Variants in PPARA observed in about 807,000 individuals in gnomAD.
The protein encoded by PPARA is peroxisome proliferator activated receptor alpha.
PPARA carries 22 observed loss-of-function variants against 42.2 expected under a neutral mutation model. The observed-to-expected ratio is 0.52, with a 90% CI of 0.37 to 0.74. PPARA has a LOEUF of 0.74. Ranked by LOEUF, PPARA falls within the 30% of genes least tolerant of loss-of-function variation. The probability of loss-of-function intolerance (pLI) is 0.00; values close to 1 mark genes in which losing one functional copy is unlikely to be tolerated. For missense variants in PPARA, 465 were observed against 608.2 expected (o/e 0.76, Z 2.48); for synonymous variants, 242 against 239.3 (o/e 1.01, Z -0.10).
chr22:46,217,698 G>C (rs1934610654), intron 5 of PPARA, among the ~76,000 whole-genome samples: 1 of 151,792 alleles, frequency 6.6e-6, no homozygotes, highest in Non-Finnish European at 1.5e-5. Flanking sequence ...GTCAGATGAG[G>C]GCATTTTGAA....
chr22:46,181,643 G>A (rs1038580049), intron 3 of PPARA, among the ~76,000 whole-genome samples: 2 of 152,046 alleles, frequency 1.3e-5, no homozygotes, highest in Non-Finnish European at 2.9e-5. Flanking sequence ...TTTTAATGTC[G>A]GGTGGCCAGC....
chr22:46,167,422 G>A lies in PPARA; in HGVS notation c.-126-9331G>A, dbSNP rs1392379330. ...ATCTTGCACTTTGAGAGGCCAAGGC[G>A]GGTGGATCACTTGGCCCCAGGAGTT... On this transcript the variant is annotated intron_variant, in intron 2 of 8. Coordinates refer to ENST00000407236, the MANE Select transcript of PPARA (RefSeq NM_005036.6). This position sits in a 1 kb window ranked among gnomAD's most constrained non-coding sequence, Gnocchi z 4.1. 2.0e-5 allele frequency among the ~76,000 whole-genome samples: 3 copies of A among 151,930 alleles called. No individual in the cohort carries two copies. The highest frequency in any genetic ancestry group is 1.3e-4 in the Admixed American group (2 of 15,246).
At position 46,198,327 on chromosome 22, in the gene PPARA, C is replaced by T; in HGVS notation, c.-42-15C>T. 6.8e-7 allele frequency: 1 copy of T among 1,463,226 alleles called. No individual in the cohort carries two copies. Among genetic ancestry groups the T allele is most frequent in the South Asian group, 1.1e-5 (1 of 87,868 alleles). 90.6% of individuals were successfully genotyped at this position (1,463,226 alleles called of 1,614,324 possible). ...TTATACGTCAGTCTTACCAATTGTT[C>T]CTCTTTCCTCCCAGTAGCTTGGAGC... On this transcript the variant is annotated splice_polypyrimidine_tract_variant and intron_variant, in intron 3 of 8. Coordinates refer to ENST00000407236, the MANE Select transcript of PPARA (RefSeq NM_005036.6).
At chr22:46,175,243 T>C (rs927777646) in intron 2 of PPARA, among the ~76,000 whole-genome samples, 2 of 152,110 alleles carry the variant, frequency 1.3e-5, no homozygotes, top group African/African-American at 4.8e-5. Context: ...TCTTGCAAAG[T>C]GAGAGGACGA....
In PPARA at chr22:46,177,080, A is replaced by G. The variant is rs148315954; in HGVS notation, c.-43+244A>G. Among the ~76,000 whole-genome samples, 1,208 of 152,166 alleles carry G rather than the reference A, an allele frequency of 7.9e-3. 11 individuals are homozygous for G. The highest frequency in any genetic ancestry group is 0.047 in the East Asian group (241 of 5,178). ...AAAAAAATTAGCCGGGCATGGTGGC[A>G]GGCGCCTGTAGTCCCAGCTACTCAG... On this transcript the variant is annotated intron_variant, in intron 3 of 8. Transcript: ENST00000407236.
intron 4 of PPARA, among the ~76,000 whole-genome samples, chr22:46,205,642 C>G (rs1933230053): frequency 7.6e-6 from 1 of 131,706 alleles, no homozygotes; most frequent in African/African-American, 2.9e-5. Flanking sequence ...TCTTAGCTCA[C>G]TGCAACCTCC....
chr22:46,158,934 G>A (rs1198624933), intron 2 of PPARA, among the ~76,000 whole-genome samples: 1 of 152,096 alleles, frequency 6.6e-6, no homozygotes, highest in Non-Finnish European at 1.5e-5. Context: ...CTGCTGCCCA[G>A]GCTGGAGTGC....
At chr22:46,198,874 T>C (rs1932679014) in intron 4 of PPARA, among the ~76,000 whole-genome samples, 1 of 152,114 alleles carries the variant, frequency 6.6e-6, no homozygotes, top group African/African-American at 2.4e-5. Context: ...TTAGCCAGGA[T>C]GGTCTCCATC....
In PPARA at chr22:46,224,663, C is replaced by T. The variant is rs1213820332; in HGVS notation, c.711+4649C>T. 6.6e-6 allele frequency among the ~76,000 whole-genome samples: 1 copy of T among 152,114 alleles called. No homozygotes were observed. The highest frequency in any genetic ancestry group is 1.9e-4 in the East Asian group (1 of 5,158). Reference sequence around the variant, plus strand: ...GATGAGAGGCGGCACAGTAAACTGTCCAGGCCAGTAAACTAATGGATTCAT... The same window carrying T: ...GATGAGAGGCGGCACAGTAAACTGTTCAGGCCAGTAAACTAATGGATTCAT... On this transcript the variant is annotated intron_variant, in intron 7 of 8. Transcript: ENST00000407236. This position sits in a 1 kb window ranked among gnomAD's most constrained non-coding sequence, Gnocchi z 5.7.
At chr22:46,159,336 A>G (rs996459661) in intron 2 of PPARA, among the ~76,000 whole-genome samples, 1 of 152,228 alleles carries the variant, frequency 6.6e-6, no homozygotes, top group African/African-American at 2.4e-5. Context: ...GCAGGGCAGT[A>G]TTTGACCTGT....
At position 46,212,131 on chromosome 22, in the gene PPARA, C is replaced by T. The variant is rs2147513618; in HGVS notation, c.209-3042C>T. 6.6e-6 allele frequency among the ~76,000 whole-genome samples: 1 copy of T among 152,268 alleles called. No individual in the cohort carries two copies. Among genetic ancestry groups the T allele is most frequent in the Non-Finnish European group, 1.5e-5 (1 of 68,010 alleles). On this transcript the variant is annotated intron_variant, in intron 4 of 8. Transcript: ENST00000407236. This position sits in a 1 kb window ranked among gnomAD's most constrained non-coding sequence, Gnocchi z 4.2. ...ACAGTGGCAGCATAATCTCAGCTCA[C>T]TGTAGCCTCAGCCTCCCAGGGCTCA...
rs1391841369 is a variant in PPARA at position 46,167,125 on chromosome 22, G to T, written c.-126-9628G>T. ...TTCAGCAAAGTGCCAAGTCATTTAA[G>T]TGGGGAAAAGATAATCTTTTCAACA... On this transcript the variant is annotated intron_variant, in intron 2 of 8. Transcript: ENST00000407236. The surrounding 1 kb of genome is among the most constrained non-coding windows in gnomAD (Gnocchi z 4.1). Among the ~76,000 whole-genome samples the T allele has an allele frequency of 2.0e-5, 3 of 152,094 alleles. No individual in the cohort carries two copies. Among genetic ancestry groups the T allele is most frequent in the Non-Finnish European group, 4.4e-5 (3 of 68,012 alleles).
At chr22:46,170,267 G>T (rs1288445689) in intron 2 of PPARA, among the ~76,000 whole-genome samples, 1 of 151,186 alleles carries the variant, frequency 6.6e-6, no homozygotes, top group Non-Finnish European at 1.5e-5. Context: ...TTGTTTTGTT[G>T]AGACACGGTC....
chr22:46,179,309 A>C (rs1929608710), intron 3 of PPARA, among the ~76,000 whole-genome samples: 1 of 152,246 alleles, frequency 6.6e-6, no homozygotes, highest in Non-Finnish European at 1.5e-5. Flanking sequence ...TGATAATCAA[A>C]AATTAATGTA....
intron 4 of PPARA, among the ~76,000 whole-genome samples, chr22:46,213,996 A>G (rs926034116): frequency 2.6e-5 from 4 of 152,208 alleles, no homozygotes; most frequent in African/African-American, 9.7e-5. Flanking sequence ...TTTCTTAGCA[A>G]TGTCTTTTGC....
chr22:46,205,555 T>TG (rs1491143261), intron 4 of PPARA, among the ~76,000 whole-genome samples: 1 of 13,392 alleles, frequency 7.5e-5, no homozygotes, highest in East Asian at 1.9e-3. Context: ...TATATATATA[T>TG]TTTTTTTTTT....
intron 3 of PPARA, among the ~76,000 whole-genome samples, chr22:46,186,645 G>A (rs372406079): frequency 6.6e-6 from 1 of 152,054 alleles, no homozygotes; most frequent in Non-Finnish European, 1.5e-5. Context: ...CACAGGAGGC[G>A]GAGGTTGCAG....
At chr22:46,176,307 A>C (rs1929052337) in intron 2 of PPARA, among the ~76,000 whole-genome samples, 1 of 152,102 alleles carries the variant, frequency 6.6e-6, no homozygotes, top group African/African-American at 2.4e-5. Flanking sequence ...CCAACATGGC[A>C]AAACCCCATC....
At chr22:46,198,233 G>C (rs1569218229) in intron 3 of PPARA, 109 bp from the exon 4 acceptor site, 1 of 239,608 alleles carries the variant, frequency 4.2e-6, no homozygotes, top group Non-Finnish European at 6.0e-6. Context: ...CTGAGACTCT[G>C]TCTCAAAAAA....
Sources: gnomAD v4.1 joint callset for allele counts (sites outside exome capture counted in the v4.1 genomes callset) on GRCh38, gnomAD v4.1.1 for gene constraint, Gnocchi (gnomAD v3.1) non-coding constraint, MANE v1.5 for transcripts, NCBI Gene and HGNC (gene_info 2026-07-23, HGNC 2026-07-21) for gene names.